Variants in SYNE1 observed in about 807,000 individuals in gnomAD.
SYNE1 encodes the protein spectrin repeat containing nuclear envelope protein 1, also known as nesprin-1.
A neutral mutation model predicts 1,111.0 loss-of-function variants in SYNE1; 616 were observed. The ratio of observed to expected loss-of-function variants is 0.55; its 90% CI spans 0.52 to 0.59. SYNE1 has a LOEUF of 0.59. Among genes scored for constraint, SYNE1 ranks in the 20% least tolerant of loss-of-function variants. The pLI, the probability that SYNE1 is intolerant of heterozygous loss-of-function variation, is 0.00. For missense variants in SYNE1, 10,006 were observed against 10,417.0 expected, an observed-to-expected ratio of 0.96 and a Z score of 1.72; for synonymous variants, 3,855 against 3,825.8, an observed-to-expected ratio of 1.01 and a Z score of -0.28.
At chr6:152,435,078 ATTTGT>A (rs2098461174) in intron 33 of SYNE1, 1 of 152,162 alleles carries the variant, frequency 6.6e-6, no homozygotes, top group African/African-American at 2.4e-5. Context: ...TCAAGTCATA[ATTTGT>A]TTTAAATAAA....
intron 6 of SYNE1, among the ~76,000 whole-genome samples, chr6:152,512,144 A>G (rs1040591682): frequency 6.6e-6 from 1 of 152,124 alleles, no homozygotes; most frequent in African/African-American, 2.4e-5. Flanking sequence ...TTTACTCTTG[A>G]AAGTTTAAAT....
chr6:152,399,621 A>C lies in SYNE1; in HGVS notation c.7232T>G (p.Phe2411Cys), dbSNP rs1392159134. The C allele has an allele frequency of 2.5e-6, 4 of 1,614,104 alleles. No individual in the cohort carries two copies. Among genetic ancestry groups the C allele is most frequent in the Non-Finnish European group, 3.4e-6 (4 of 1,179,986 alleles). ...ASLQESLEKH[F>C]SESMQEFQEW... ...TAAGGCCCCTCAGAACTCACCACTG[A>C]AGTGTTTTTCCAGAGATTCCTGCAG... Residue 2411 changes from phenylalanine (F) to cysteine (C), a missense_variant, in exon 48 of 146, where the codon TTC becomes TGC. Phe to Cys is a radical substitution (Grantham distance 205, BLOSUM62 -2). Coordinates refer to ENST00000367255, the MANE Select transcript of SYNE1 (RefSeq NM_182961.4).
intron 87 of SYNE1, chr6:152,315,962 A>T (rs2095707456): frequency 6.6e-6 from 1 of 152,226 alleles, no homozygotes; most frequent in East Asian, 1.9e-4. Context: ...GGCCACAAGG[A>T]TACATAAATA....
intron 130 of SYNE1, among the ~76,000 whole-genome samples, chr6:152,173,176 C>T (rs1440866390): frequency 6.8e-6 from 1 of 147,150 alleles, no homozygotes; most frequent in Non-Finnish European, 1.5e-5. Flanking sequence ...ATTTTGTACT[C>T]AGAGTAATCT....
chr6:152,319,069 G>C, intron 84 of SYNE1, 54 bp from the exon 85 acceptor site: 1 of 1,605,072 alleles, frequency 6.2e-7, no homozygotes, highest in Non-Finnish European at 8.5e-7. Flanking sequence ...GTGAATAATA[G>C]ATACTAAAAA....
Position 152,329,388 on chromosome 6 carries a change from G to A in SYNE1, c.14955+342C>T, listed in dbSNP as rs190549213. ...TAAAAAATACAAAAATTAGCTGGATGTGATGGCGGGTGCCTGTAATCCCAG... is the reference window on the plus strand; with the variant it reads ...TAAAAAATACAAAAATTAGCTGGATATGATGGCGGGTGCCTGTAATCCCAG... On this transcript the variant is annotated intron_variant, in intron 78 of 145. Transcript: ENST00000367255. 5.6e-3 allele frequency among the ~76,000 whole-genome samples: 860 copies of A among 152,274 alleles called. 6 individuals are homozygous for A. The highest frequency in any genetic ancestry group is 0.019 in the African/African-American group (807 of 41,548).
chr6:152,323,802 C>T, intron 81 of SYNE1, 65 bp from the exon 82 acceptor site: 6 of 1,565,814 alleles, frequency 3.8e-6, no homozygotes, highest in Non-Finnish European at 5.2e-6. Context: ...AGGGTAACTC[C>T]CATAAAAGCC....
chr6:152,165,072 G>GC (rs71017524), intron 130 of SYNE1, among the ~76,000 whole-genome samples: 64,747 of 148,606 alleles, frequency 0.44, 14,607 homozygotes, highest in East Asian at 0.57. Flanking sequence ...AGATATTCGC[G>GC]CCCCCTCCCC....
chr6:152,511,190 T>C (rs2099083052), intron 6 of SYNE1, 87 bp from the exon 7 acceptor site: 1 of 1,187,134 alleles, frequency 8.4e-7, no homozygotes, highest in Non-Finnish European at 1.3e-6. Flanking sequence ...TTAGTAGACA[T>C]CAATAAGATT....
intron 74 of SYNE1, among the ~76,000 whole-genome samples, chr6:152,339,771 T>A (rs2096491644): frequency 6.6e-6 from 1 of 152,216 alleles, no homozygotes; most frequent in South Asian, 2.1e-4. Flanking sequence ...AGTTGGTAGG[T>A]TTCATTGGAG....
chr6:152,128,856 C>T (rs948673566), intron 145 of SYNE1: 5 of 152,218 alleles, frequency 3.3e-5, no homozygotes, highest in Non-Finnish European at 1.5e-5. Context: ...GCCTTTCATT[C>T]TCGGGGTTGG....
chr6:152,610,367 G>T lies in SYNE1; in HGVS notation c.67+17898C>A, dbSNP rs565024669. On this transcript the variant is annotated intron_variant, in intron 3 of 145. Coordinates refer to ENST00000367255, the MANE Select transcript of SYNE1 (RefSeq NM_182961.4). ...GATGCATACACAAGCTTCAATAGCC[G>T]ATTCGATCAAGTGGAAGAAAGAGTA... Among the ~76,000 whole-genome samples the T allele has an allele frequency of 7.2e-5, 11 of 152,112 alleles. No individual in the cohort carries two copies. In the East Asian group the frequency reaches 7.7e-4, roughly 11 times the overall value.
At chr6:152,539,116 G>T (rs2099257760) in intron 4 of SYNE1, among the ~76,000 whole-genome samples, 1 of 152,126 alleles carries the variant, frequency 6.6e-6, no homozygotes, top group Non-Finnish European at 1.5e-5. Context: ...CTCAGCAAAA[G>T]TGAGAATAAA....
chr6:152,521,000 C>T (rs573008457), intron 5 of SYNE1, among the ~76,000 whole-genome samples: 1 of 152,110 alleles, frequency 6.6e-6, no homozygotes, highest in Non-Finnish European at 1.5e-5. Context: ...CACCATTAAT[C>T]CCATCCTCCT....
Position 152,526,243 on chromosome 6 carries a change from T to C in SYNE1, c.130-68A>G. 8.8e-6 allele frequency: 13 copies of C among 1,484,432 alleles called. No individual in the cohort carries two copies. In the South Asian group the frequency reaches 1.4e-4, roughly 16 times the overall value. The allele number at this position is 1,484,432 out of a possible 1,614,324, so 92.0% of individuals were successfully genotyped here. A position where few individuals can be genotyped will look rare whatever the true frequency, so the allele number is the denominator to read the frequency against. The stretch of plus-strand genomic sequence containing the variant: ...CTCTCTGTTTCTCTCTTTCTCTCTC[T>C]CACCTTTGTTACTTATGGTGGTGAA... On this transcript the variant is annotated intron_variant, in intron 4 of 145. Coordinates refer to ENST00000367255, the MANE Select transcript of SYNE1 (RefSeq NM_182961.4).
rs1585993590 is a variant in SYNE1 at position 152,141,309 on chromosome 6, G to A, written c.25140C>T (p.Cys8380=). The A allele has an allele frequency of 6.2e-7, 1 of 1,614,038 alleles. No individual in the cohort carries two copies. Among genetic ancestry groups the A allele is most frequent in the African/African-American group, 1.3e-5 (1 of 75,028 alleles). The change falls in exon 139 of 146, where the codon TGC becomes TGT. Residue 8380 remains cysteine, a synonymous_variant. Coordinates refer to ENST00000367255, the MANE Select transcript of SYNE1 (RefSeq NM_182961.4). ...TCTTCACGGAGTCTATACTGCTACT[G>A]CATTCGCCCAGCAGTTTCATCTGTT... is the stretch of plus-strand genomic sequence containing the variant. ...YKGYMKLLGE[C]SSSIDSVKRL... is the part of the protein sequence containing the mutation.
At chr6:152,573,319 C>T (rs2099477039) in intron 3 of SYNE1, among the ~76,000 whole-genome samples, 1 of 109,352 alleles carries the variant, frequency 9.1e-6, no homozygotes, top group Admixed American at 9.9e-5. Flanking sequence ...TCTCCTAATG[C>T]TATCCCCCCC....
chr6:152,582,536 G>A (rs564251421), intron 3 of SYNE1, among the ~76,000 whole-genome samples: 1 of 151,176 alleles, frequency 6.6e-6, no homozygotes, highest in Admixed American at 6.6e-5. Context: ...GCTTAAAATG[G>A]GTTACCAGTG....
intron 8 of SYNE1, among the ~76,000 whole-genome samples, chr6:152,507,128 A>T (rs879492824): frequency 3.5e-4 from 54 of 152,302 alleles, no homozygotes; most frequent in Non-Finnish European, 6.6e-4. Flanking sequence ...ATGCAGGTTG[A>T]ACAGTATGTC....
Sources: gnomAD v4.1 joint callset for allele counts (sites outside exome capture counted in the v4.1 genomes callset) on GRCh38, gnomAD v4.1.1 for gene constraint, MANE v1.5 for transcripts, NCBI Gene and HGNC (gene_info 2026-07-23, HGNC 2026-07-21) for gene names.